The following KANSL1L variants were observed in gnomAD, a reference collection of about 807,000 sequenced individuals.
The protein encoded by KANSL1L is KAT8 regulatory NSL complex subunit 1-like protein.
Under a neutral mutation model 108.6 loss-of-function variants are expected in KANSL1L, and 25 were observed. The ratio of observed to expected loss-of-function variants is 0.23; its 90% confidence interval spans 0.17 to 0.32. KANSL1L has a LOEUF of 0.32. KANSL1L is among the 10% of genes least tolerant of loss of function. The probability of loss-of-function intolerance (pLI) is 1.00; values close to 1 mark genes in which losing one functional copy is unlikely to be tolerated. For missense variants in KANSL1L, 1,137 were observed against 1,125.7 expected, an observed-to-expected ratio of 1.01 and a Z score of -0.14; for synonymous variants, 405 against 395.1, an observed-to-expected ratio of 1.03 and a Z score of -0.30.
At chr2:210,062,625 G>A (rs748417867) in intron 6 of KANSL1L, among the ~76,000 whole-genome samples, 23 of 152,190 alleles carry the variant, frequency 1.5e-4, no homozygotes, top group Non-Finnish European at 2.8e-4. Flanking sequence ...TAAGGAACTT[G>A]TTGGGAACTG....
At chr2:210,096,669 A>C (rs2125402428) in intron 5 of KANSL1L, 1 of 981,132 alleles carries the variant, frequency 1.0e-6, no homozygotes, top group Admixed American at 6.1e-5. Context: ...CTACATTATG[A>C]CTTTCCTAAT....
At chr2:210,085,833 T>A (rs1332892374) in intron 5 of KANSL1L, among the ~76,000 whole-genome samples, 1 of 150,962 alleles carries the variant, frequency 6.6e-6, no homozygotes, top group Non-Finnish European at 1.5e-5. Context: ...TATTAATATA[T>A]TCACTTATAT....
At chr2:210,106,303 A>G (rs936289098) in intron 3 of KANSL1L, among the ~76,000 whole-genome samples, 4 of 152,144 alleles carry the variant, frequency 2.6e-5, no homozygotes, top group African/African-American at 7.2e-5. Flanking sequence ...GATTAGTCTG[A>G]TATCAGTCTG....
At chr2:210,166,167 G>A (rs1164761075) in intron 1 of KANSL1L, among the ~76,000 whole-genome samples, 1 of 152,124 alleles carries the variant, frequency 6.6e-6, no homozygotes, top group Non-Finnish European at 1.5e-5. Flanking sequence ...TCCATTAGGA[G>A]TTTAATCTAT....
intron 1 of KANSL1L, among the ~76,000 whole-genome samples, chr2:210,165,616 T>A (rs1245949837): frequency 1.3e-5 from 2 of 152,200 alleles, no homozygotes; most frequent in Non-Finnish European, 2.9e-5. Context: ...TTGCTATTAG[T>A]TGCTCTGAAA....
rs1390474801 is a variant in KANSL1L, at chr2:210,021,688, T to A, written c.*1261A>T. 6.6e-6 allele frequency: 1 copy of A among 152,460 alleles called. No homozygotes were observed. The highest frequency in any genetic ancestry group is 2.4e-5 in the African/African-American group (1 of 41,414). 9.4% of individuals were successfully genotyped at this position (152,460 alleles called of 1,614,324 possible). A position where few individuals can be genotyped will look rare whatever the true frequency, so the allele number is the denominator to read the frequency against. On this transcript the variant is annotated 3_prime_UTR_variant, in exon 15 of 15. Transcript: ENST00000281772. ...ACAGATAAGGCCAAATGGCCAATAT[T>A]TTCAGTTATGTGGGTAGTACAACTT...
intron 8 of KANSL1L, 121 bp downstream of exon 8, chr2:210,040,299 T>C (rs772318584): frequency 1.5e-6 from 1 of 650,566 alleles, no homozygotes; most frequent in South Asian, 1.9e-5. Context: ...AAAGTGAGTA[T>C]TAAAAATTAA....
At chr2:210,047,508 T>C (rs2094237753) in intron 6 of KANSL1L, among the ~76,000 whole-genome samples, 1 of 152,232 alleles carries the variant, frequency 6.6e-6, no homozygotes, top group Admixed American at 6.5e-5. Context: ...TAGTTTCCAA[T>C]AACATGTTCC....
chr2:210,104,005 T>C, intron 4 of KANSL1L, 99 bp downstream of exon 4: 2 of 912,628 alleles, frequency 2.2e-6, no homozygotes, highest in South Asian at 3.0e-5. Flanking sequence ...TAATAACACA[T>C]ATGCCAGGAA....
At chr2:210,095,957 A>C (rs761298613) in intron 5 of KANSL1L, among the ~76,000 whole-genome samples, 3 of 152,188 alleles carry the variant, frequency 2.0e-5, no homozygotes, top group Non-Finnish European at 4.4e-5. Flanking sequence ...CAAAAATGTA[A>C]TTAATTAAAA....
intron 3 of KANSL1L, among the ~76,000 whole-genome samples, chr2:210,125,099 C>T (rs1026813066): frequency 6.6e-6 from 1 of 152,040 alleles, no homozygotes; most frequent in African/African-American, 2.4e-5. Flanking sequence ...ACTAAAAATA[C>T]AAAAATTAGC....
At chr2:210,103,145 G>T (rs368833587) in intron 4 of KANSL1L, among the ~76,000 whole-genome samples, 2 of 152,120 alleles carry the variant, frequency 1.3e-5, no homozygotes, top group Non-Finnish European at 2.9e-5. Flanking sequence ...CCATAAAAAA[G>T]GATGAGTTCA....
intron 6 of KANSL1L, among the ~76,000 whole-genome samples, chr2:210,060,915 T>C (rs1195407814): frequency 2.0e-5 from 3 of 152,252 alleles, no homozygotes; most frequent in Non-Finnish European, 2.9e-5. Flanking sequence ...ATTGATTTAT[T>C]TATTATTGCT....
At chr2:210,129,853 A>G (rs1403526430) in intron 2 of KANSL1L, among the ~76,000 whole-genome samples, 1 of 152,148 alleles carries the variant, frequency 6.6e-6, no homozygotes, top group Non-Finnish European at 1.5e-5. Context: ...TCTTTCATGC[A>G]TATTTAAAAA....
In KANSL1L at chr2:210,021,549, T is replaced by C. The variant is rs1015184616; in HGVS notation, c.*1400A>G. On this transcript the variant is annotated 3_prime_UTR_variant, in exon 15 of 15. Transcript: ENST00000281772. ...CTTTTGTTTTCTTTTTCTTTAAAAA[T>C]AAATGTACAGTAAAACTACAAGCAA... The C allele has an allele frequency of 6.6e-6, 1 of 152,538 alleles. No homozygotes were observed. Among genetic ancestry groups the C allele is most frequent in the Admixed American group, 6.5e-5 (1 of 15,270 alleles). 9.4% of individuals were successfully genotyped at this position (152,538 alleles called of 1,614,324 possible).
intron 6 of KANSL1L, among the ~76,000 whole-genome samples, chr2:210,051,376 T>C (rs1457099568): frequency 2.6e-5 from 4 of 152,222 alleles, no homozygotes; most frequent in Non-Finnish European, 1.5e-5. Flanking sequence ...TTATATCCTA[T>C]ATAAAAGTTT....
chr2:210,135,716 G>A (rs896447036), intron 2 of KANSL1L, among the ~76,000 whole-genome samples: 3 of 152,066 alleles, frequency 2.0e-5, no homozygotes, highest in Non-Finnish European at 4.4e-5. Context: ...ATTCTTGACC[G>A]TTAAATGAGA....
chr2:210,123,114 G>T (rs1437376084), intron 3 of KANSL1L, among the ~76,000 whole-genome samples: 1 of 152,094 alleles, frequency 6.6e-6, no homozygotes, highest in South Asian at 2.1e-4. Context: ...AACCACTTCA[G>T]AGAAAAGCTT....
At chr2:210,113,516 C>CA (rs941181892) in intron 3 of KANSL1L, among the ~76,000 whole-genome samples, 118 of 148,696 alleles carry the variant, frequency 7.9e-4, no homozygotes, top group African/African-American at 1.7e-3. Context: ...CCAAAAACAA[C>CA]AAAAAAAACA....
Sources: allele counts gnomAD v4.1 joint callset (sites outside exome capture counted in the v4.1 genomes callset), GRCh38; gene constraint gnomAD v4.1.1; transcripts MANE v1.5; gene names NCBI Gene and HGNC (gene_info 2026-07-23, HGNC 2026-07-21).